The following DOCK8 variants were observed in gnomAD, a reference collection of about 807,000 sequenced individuals.
DOCK8 encodes dedicator of cytokinesis protein 8.
A neutral mutation model predicts 245.6 loss-of-function variants in DOCK8; 141 were observed. The observed-to-expected ratio is 0.57, with a 90% CI of 0.50 to 0.66. The LOEUF is 0.66. Among genes scored for constraint, DOCK8 ranks in the 30% least tolerant of loss-of-function variants. The probability of loss-of-function intolerance (pLI) is 0.00; values close to 1 mark genes in which losing one functional copy is unlikely to be tolerated. For synonymous variants in DOCK8, 1,168 were observed against 970.2 expected (o/e 1.20, Z -3.79); for missense variants, 2,965 against 2,603.4 (o/e 1.14, Z -3.02).
chr9:383,960 T>C (rs1252223388), intron 22 of DOCK8, among the ~76,000 whole-genome samples: 1 of 152,206 alleles, frequency 6.6e-6, no homozygotes, highest in African/African-American at 2.4e-5. Flanking sequence ...CCAATATTCA[T>C]GGAATATTAT....
intron 22 of DOCK8, 143 bp from the exon 23 acceptor site, chr9:386,188 A>G (rs916222786): frequency 1.1e-5 from 8 of 695,722 alleles, no homozygotes; most frequent in Non-Finnish European, 1.8e-5. Flanking sequence ...TTTGTTTTAT[A>G]TTTACTTATG....
upstream of DOCK8, chr9:214,444 C>T (rs75872323): frequency 4.1e-4 from 631 of 1,553,138 alleles, 8 homozygotes; most frequent in East Asian, 0.012. Flanking sequence ...ATTCCACTAA[C>T]TTTTTTGTCT....
chr9:271,455 T>G (rs682251), intron 1 of DOCK8, among the ~76,000 whole-genome samples, 172 bp from the exon 2 acceptor site: 1 of 151,932 alleles, frequency 6.6e-6, no homozygotes, highest in East Asian at 1.9e-4. Flanking sequence ...ATGTATTATC[T>G]GACAAAAACT....
At chr9:457,915 G>C (rs760713841) in intron 46 of DOCK8, among the ~76,000 whole-genome samples, 2 of 152,150 alleles carry the variant, frequency 1.3e-5, no homozygotes, top group Non-Finnish European at 2.9e-5. Flanking sequence ...CACAGATGAA[G>C]AAACTATGAC....
chr9:422,349 A>C (rs1338551286), intron 33 of DOCK8, among the ~76,000 whole-genome samples: 1 of 152,206 alleles, frequency 6.6e-6, no homozygotes, highest in Non-Finnish European at 1.5e-5. Context: ...ATTGATAAGC[A>C]TGTAAAGAAA....
intron 4 of DOCK8, among the ~76,000 whole-genome samples, chr9:300,780 C>T (rs2049507450): frequency 6.6e-6 from 1 of 151,962 alleles, no homozygotes; most frequent in Admixed American, 6.6e-5. Context: ...CACACAAGCC[C>T]CCTAAAATTG....
chr9:339,944 C>T (rs2051497746), intron 13 of DOCK8, among the ~76,000 whole-genome samples: 1 of 152,212 alleles, frequency 6.6e-6, no homozygotes, highest in African/African-American at 2.4e-5. Context: ...TCTCATTTTA[C>T]AATTTCTTGC....
At chr9:447,505 T>C (rs2057301711) in intron 44 of DOCK8, among the ~76,000 whole-genome samples, 1 of 152,234 alleles carries the variant, frequency 6.6e-6, no homozygotes, top group Admixed American at 6.5e-5. Context: ...ATGTTTATGA[T>C]GTTTTTCTCC....
chr9:464,291 T>C lies in DOCK8; in HGVS notation c.*72T>C, dbSNP rs778667332. On this transcript the variant is annotated 3_prime_UTR_variant, in exon 48 of 48. Transcript: ENST00000432829. ...GAAGGACTTGCTGGTACTTAAAAAA[T>C]GGGACATTTGCCACCCAGGACTGAC... 1.0e-4 allele frequency: 134 copies of C among 1,328,872 alleles called. No individual in the cohort carries two copies. The highest frequency in any genetic ancestry group is 1.9e-4 in the Middle Eastern group (1 of 5,136). 82.3% of individuals were successfully genotyped at this position (1,328,872 alleles called of 1,614,324 possible).
At chr9:256,941 A>G (rs2047790186) in intron 1 of DOCK8, among the ~76,000 whole-genome samples, 1 of 152,216 alleles carries the variant, frequency 6.6e-6, no homozygotes, top group Admixed American at 6.5e-5. Context: ...ACTGTTCTCA[A>G]CTAAGAGATT....
At chr9:447,825 G>C (rs2057311367) in intron 44 of DOCK8, among the ~76,000 whole-genome samples, 1 of 152,162 alleles carries the variant, frequency 6.6e-6, no homozygotes, top group African/African-American at 2.4e-5. Flanking sequence ...GTTCAGCTGG[G>C]TAACCACATC....
intron 14 of DOCK8, among the ~76,000 whole-genome samples, chr9:342,194 A>T (rs2051632786): frequency 6.6e-6 from 1 of 152,024 alleles, no homozygotes. Context: ...ATTGTCTTCC[A>T]TGAAACCAGT....
At chr9:300,019 CA>C (rs71312802) in intron 4 of DOCK8, among the ~76,000 whole-genome samples, 87,759 of 132,748 alleles carry the variant, frequency 0.66, 27,454 homozygotes, top group East Asian at 0.76. Context: ...GACTCCGTCT[CA>C]AAAAAAAAAA....
chr9:373,025 G>A (rs1052998001), intron 18 of DOCK8, among the ~76,000 whole-genome samples: 1 of 152,120 alleles, frequency 6.6e-6, no homozygotes, highest in Non-Finnish European at 1.5e-5. Context: ...AAATTAGCCG[G>A]GCGTGGTGGC....
chr9:395,686 A>C (rs1200933916), intron 24 of DOCK8, among the ~76,000 whole-genome samples: 2 of 152,132 alleles, frequency 1.3e-5, no homozygotes, highest in African/African-American at 2.4e-5. Flanking sequence ...AACTTCCAAC[A>C]AGGATAAGAC....
At chr9:366,595 T>C (rs184892175) in intron 14 of DOCK8, 1 of 152,332 alleles carries the variant, frequency 6.6e-6, no homozygotes, top group Admixed American at 6.5e-5. Flanking sequence ...TCTCAGAATG[T>C]TAAATTCATA....
chr9:451,929 A>ACG, intron 45 of DOCK8, 82 bp from the exon 46 acceptor site: 1 of 316,692 alleles, frequency 3.2e-6, no homozygotes, highest in East Asian at 5.7e-5. Context: ...ATATATATGT[A>ACG]TGTGTATATA....
chr9:215,494 C>T (rs7869327), intron 1 of DOCK8: 185,397 of 1,449,464 alleles, frequency 0.13, 12,954 homozygotes, highest in East Asian at 0.25. Context: ...AGCCTTCTGT[C>T]GTCCTGAGCA....
intron 23 of DOCK8, among the ~76,000 whole-genome samples, chr9:389,054 A>G (rs2054075511): frequency 6.6e-6 from 1 of 152,214 alleles, no homozygotes; most frequent in Non-Finnish European, 1.5e-5. Context: ...TGGGCATAAG[A>G]TGAAAGAAAA....
Sources: gnomAD v4.1 joint callset for allele counts (sites outside exome capture counted in the v4.1 genomes callset) on GRCh38, gnomAD v4.1.1 for gene constraint, MANE v1.5 for transcripts, NCBI Gene and HGNC (gene_info 2026-07-23, HGNC 2026-07-21) for gene names.